DPP8: variants seen among roughly 807,000 people sequenced by gnomAD.
DPP8 encodes the protein DPP VIII.
A neutral mutation model predicts 107.5 loss-of-function variants in DPP8; 31 were observed. That is an observed-to-expected ratio of 0.29 (90% CI 0.22 to 0.39). The LOEUF (loss-of-function observed/expected upper bound fraction) is 0.39, where lower values mean the gene tolerates loss of function less well. DPP8 is among the 10% of genes least tolerant of loss of function. The probability of loss-of-function intolerance (pLI) is 1.00; values close to 1 mark genes in which losing one functional copy is unlikely to be tolerated. For synonymous variants in DPP8, 381 were observed against 356.6 expected (o/e 1.07, Z -0.77); for missense variants, 842 against 1,076.1 (o/e 0.78, Z 3.04).
intron 5 of DPP8, among the ~76,000 whole-genome samples, chr15:65,492,113 G>C (rs1387455408): frequency 6.6e-6 from 1 of 151,934 alleles, no homozygotes; most frequent in Non-Finnish European, 1.5e-5. Context: ...AGGCTGAGGA[G>C]GGCAGACTGC....
intron 8 of DPP8, among the ~76,000 whole-genome samples, chr15:65,483,021 C>T (rs1035830987): frequency 5.3e-5 from 8 of 151,830 alleles, no homozygotes; most frequent in African/African-American, 1.7e-4. Flanking sequence ...GGCGTGAACC[C>T]GGGAGGCGGA....
intron 17 of DPP8, 31 bp downstream of exon 17, chr15:65,454,232 G>T: frequency 7.1e-7 from 1 of 1,414,682 alleles, no homozygotes; most frequent in Non-Finnish European, 9.3e-7. Context: ...TACCCTTATT[G>T]CAAAAATGAG....
chr15:65,490,834 G>A (rs1221320145), intron 5 of DPP8, among the ~76,000 whole-genome samples: 1 of 152,034 alleles, frequency 6.6e-6, no homozygotes, highest in African/African-American at 2.4e-5. Flanking sequence ...AAGGGGACTC[G>A]TTTTAAAAGA....
At position 65,470,934 on chromosome 15, in the gene DPP8, AGAGGG is replaced by A. The variant is rs1384928565; in HGVS notation, c.1536+3270_1536+3274del. ...ACTCTTATCTCAAAAAAAAAAAAAA[AGAGGG>A]AAAATAGAGAAGAGGGAAAGACAGA... On this transcript the variant is annotated intron_variant, in intron 12 of 19. Coordinates refer to ENST00000300141, the MANE Select transcript of DPP8 (RefSeq NM_130434.5). Among the ~76,000 whole-genome samples, 749 of 151,546 alleles carry A rather than the reference AGAGGG, an allele frequency of 4.9e-3. 5 individuals are homozygous for A. The highest frequency in any genetic ancestry group is 0.017 in the African/African-American group (720 of 41,170).
rs564632345 is a variant in DPP8 at position 65,491,826 on chromosome 15, G to A, written c.716-1527C>T. On this transcript the variant is annotated intron_variant, in intron 5 of 19. Coordinates refer to ENST00000300141, the MANE Select transcript of DPP8 (RefSeq NM_130434.5). The stretch of plus-strand genomic sequence containing the variant: ...CGGCTCACTGCAAGCTCCACCTCCC[G>A]GGTTCACGCCATTCTCCTGCCTCAG... 2.8e-4 allele frequency among the ~76,000 whole-genome samples: 42 copies of A among 151,996 alleles called. No homozygotes were observed. The East Asian group carries it at 3.1e-3, about 11-fold the overall frequency.
At chr15:65,496,249 C>T (rs945209397) in intron 5 of DPP8, among the ~76,000 whole-genome samples, 5 of 152,038 alleles carry the variant, frequency 3.3e-5, no homozygotes, top group African/African-American at 1.2e-4. Context: ...TTCCAAAGTG[C>T]TAGGATTACA....
intron 14 of DPP8, 135 bp downstream of exon 14, chr15:65,466,543 G>C: frequency 1.3e-6 from 1 of 751,052 alleles, no homozygotes; most frequent in Non-Finnish European, 2.3e-6. Context: ...GATCTATCAG[G>C]AGCTCAGCAG....
In DPP8 at chr15:65,467,228, C is replaced by A. The variant is rs761976530; in HGVS notation, c.1537-5G>T. On this transcript the variant is annotated splice_polypyrimidine_tract_variant and splice_region_variant and intron_variant, in intron 12 of 19. Transcript: ENST00000300141. ...TCTGACTTCATCAACTTGGATCTGA[C>A]AAGATAACAACAATAACAAAATCAG... 1 of 1,613,894 alleles carries A rather than the reference C, an allele frequency of 6.2e-7. No homozygotes were observed. The highest frequency in any genetic ancestry group is 8.5e-7 in the Non-Finnish European group (1 of 1,179,940).
chr15:65,512,252 T>C (rs761669183), intron 2 of DPP8, 43 bp downstream of exon 2: 4 of 1,561,586 alleles, frequency 2.6e-6, no homozygotes, highest in Non-Finnish European at 3.5e-6. Context: ...TAAGTTTGAC[T>C]TAAGAGATCA....
chr15:65,444,231 T>C lies in DPP8; in HGVS notation c.*2653A>G, dbSNP rs1317606091. ...ACCATGCCTAGCCTGGGAATACACA[T>C]TTTTAAGAGTGAGATTCAAAACTCT... is the stretch of plus-strand genomic sequence containing the variant. On this transcript the variant is annotated 3_prime_UTR_variant, in exon 20 of 20. Transcript: ENST00000300141. 1 of 152,164 alleles carries C rather than the reference T, an allele frequency of 6.6e-6. No homozygotes were observed. Among genetic ancestry groups the C allele is most frequent in the African/African-American group, 2.4e-5 (1 of 41,432 alleles). The allele number at this position is 152,164 out of a possible 1,614,324, so 9.4% of individuals were successfully genotyped here. A position where few individuals can be genotyped will look rare whatever the true frequency, so the allele number is the denominator to read the frequency against.
At chr15:65,512,049 A>C in intron 2 of DPP8, 1 of 634,872 alleles carries the variant, frequency 1.6e-6, no homozygotes, top group South Asian at 1.5e-5. Context: ...CTTTAGGAAG[A>C]AGCAATTTCT....
rs1348790231 is a variant in DPP8, at chr15:65,444,707, A to T, written c.*2177T>A. The T allele has an allele frequency of 1.3e-5, 2 of 152,206 alleles. No individual in the cohort carries two copies. The highest frequency in any genetic ancestry group is 4.8e-5 in the African/African-American group (2 of 41,456). The allele number at this position is 152,206 out of a possible 1,614,324, so 9.4% of individuals were successfully genotyped here. On this transcript the variant is annotated 3_prime_UTR_variant, in exon 20 of 20. Transcript: ENST00000300141. Reference sequence around the variant, plus strand: ...AACATGCAAAAGGAAAACACCTGTGAACTCCAGAGTACATGAAGTTTTCTA... The same window carrying T: ...AACATGCAAAAGGAAAACACCTGTGTACTCCAGAGTACATGAAGTTTTCTA...
chr15:65,471,651 T>C (rs2065909168), intron 12 of DPP8, among the ~76,000 whole-genome samples: 1 of 151,818 alleles, frequency 6.6e-6, no homozygotes, highest in South Asian at 2.1e-4. Flanking sequence ...CACACCTGCC[T>C]AATTTAAAAT....
intron 1 of DPP8, chr15:65,515,602 T>C (rs1596178048): frequency 2.0e-6 from 3 of 1,504,462 alleles, no homozygotes; most frequent in South Asian, 2.3e-5. Context: ...GCACAGTGCA[T>C]ATATTTCACT....
intron 16 of DPP8, chr15:65,455,804 G>A: frequency 7.8e-7 from 1 of 1,290,214 alleles, no homozygotes; most frequent in South Asian, 1.2e-5. Context: ...CAGCAGAAAG[G>A]ACATGGGGCA....
intron 2 of DPP8, 147 bp downstream of exon 2, chr15:65,512,148 G>A (rs759740885): frequency 9.8e-6 from 8 of 815,878 alleles, no homozygotes; most frequent in Admixed American, 2.2e-5. Context: ...CAACAAAATC[G>A]AATTCTTCAA....
chr15:65,484,547 A>T (rs2067223595), intron 8 of DPP8, among the ~76,000 whole-genome samples: 2 of 151,712 alleles, frequency 1.3e-5, no homozygotes, highest in Non-Finnish European at 2.9e-5. Context: ...AGCTGTTTTT[A>T]AAAAAGTCTA....
At chr15:65,470,919 C>CAAAAAAAAAAAAAAAAAAAA (rs773144225) in intron 12 of DPP8, among the ~76,000 whole-genome samples, 3 of 110,790 alleles carry the variant, frequency 2.7e-5, no homozygotes, top group African/African-American at 1.0e-4. Context: ...ACTCTTATCT[C>CAAAAAAAAAAAAAAAAAAAA]AAAAAAAAAA....
At chr15:65,451,191 A>G (rs2063949462) in intron 18 of DPP8, 81 bp from the exon 19 acceptor site, 1 of 799,604 alleles carries the variant, frequency 1.3e-6, no homozygotes, top group Non-Finnish European at 2.2e-6. Context: ...AATCATACTT[A>G]ACCATATTAA....
Sources: gnomAD v4.1 joint callset for allele counts (sites outside exome capture counted in the v4.1 genomes callset) on GRCh38, gnomAD v4.1.1 for gene constraint, MANE v1.5 for transcripts, NCBI Gene and HGNC (gene_info 2026-07-23, HGNC 2026-07-21) for gene names.